The following EIF2D variants were observed in gnomAD, a reference collection of about 807,000 sequenced individuals.
The protein encoded by EIF2D is hepatocellular carcinoma-associated antigen 56.
EIF2D carries 56 observed loss-of-function variants against 77.4 expected under a neutral mutation model. The observed-to-expected ratio is 0.72, with a 90% CI of 0.58 to 0.90. EIF2D has a LOEUF of 0.90. EIF2D is among the 40% of genes least tolerant of loss of function. The probability of loss-of-function intolerance (pLI) is 0.00; values close to 1 mark genes in which losing one functional copy is unlikely to be tolerated. For synonymous variants in EIF2D, 230 were observed against 271.0 expected (o/e 0.85, Z 1.49); for missense variants, 574 against 706.5 (o/e 0.81, Z 2.13).
At chr1:206,587,008 T>C, downstream of EIF2D, 5 of 1,612,696 alleles carry the variant, frequency 3.1e-6, no homozygotes, top group Non-Finnish European at 4.2e-6. Context: ...TCCTGGTGCA[T>C]TCAGATTTAT....
chr1:206,600,428 G>T, intron 7 of EIF2D, 120 bp from the exon 8 acceptor site: 1 of 843,336 alleles, frequency 1.2e-6, no homozygotes, highest in Non-Finnish European at 1.9e-6. Context: ...AGAGGCCACT[G>T]TGCCAGAACT....
Position 206,593,604 on chromosome 1 carries a change from A to G in EIF2D, c.1684+15T>C. On this transcript the variant is annotated intron_variant, in intron 14 of 14. Coordinates refer to ENST00000271764, the MANE Select transcript of EIF2D (RefSeq NM_006893.3). ...AGCTAGACCAATGCCTCCACTCTTC[A>G]GAGGGGATGCTCACCAAGCAATAGC... 1 of 1,597,352 alleles carries G rather than the reference A, an allele frequency of 6.3e-7. No individual in the cohort carries two copies. Among genetic ancestry groups the G allele is most frequent in the Non-Finnish European group, 8.6e-7 (1 of 1,168,438 alleles).
chr1:206,579,256 T>G lies in EIF2D; in HGVS notation c.*254+1436A>C, dbSNP rs191837580. On this transcript the variant is annotated intron_variant and NMD_transcript_variant, in intron 4 of 5. Coordinates refer to the EIF2D transcript ENST00000472709. This position sits in a 1 kb window ranked among gnomAD's most constrained non-coding sequence, Gnocchi z 4.2. ...CGGAATAGATGAATTCCATGCCAGA[T>G]GCACTGAGATGTGTGAGCCCCCAGG... Among the ~76,000 whole-genome samples the G allele has an allele frequency of 6.6e-6, 1 of 152,240 alleles. No individual in the cohort carries two copies. Among genetic ancestry groups the G allele is most frequent in the Admixed American group, 6.5e-5 (1 of 15,284 alleles).
rs782188111 is a variant in EIF2D at position 206,609,360 on chromosome 1, A to G, written c.331+16T>C. On this transcript the variant is annotated intron_variant, in intron 3 of 14. Coordinates refer to ENST00000271764, the MANE Select transcript of EIF2D (RefSeq NM_006893.3). ...AGGTTTCAGCCAATAGCCAGAATAT[A>G]GGAGAATCCTCTTACCTGCTCCCCC... The G allele has an allele frequency of 6.2e-7, 1 of 1,611,664 alleles. No individual in the cohort carries two copies. Among genetic ancestry groups the G allele is most frequent in the South Asian group, 1.1e-5 (1 of 90,926 alleles).
chr1:206,610,015 A>G (rs959312452), intron 2 of EIF2D, among the ~76,000 whole-genome samples: 5 of 152,162 alleles, frequency 3.3e-5, no homozygotes, highest in Non-Finnish European at 5.9e-5. Flanking sequence ...CAGCTATGGA[A>G]AAGAGAAAAG....
At chr1:206,611,013 G>A (rs1670456026) in intron 2 of EIF2D, 171 bp downstream of exon 2, 8 of 587,330 alleles carry the variant, frequency 1.4e-5, no homozygotes, top group Admixed American at 9.7e-5. Flanking sequence ...TTGCATCCTA[G>A]AATTGAAAGA....
At chr1:206,596,086 T>C (rs1215346582) in intron 12 of EIF2D, among the ~76,000 whole-genome samples, 2 of 152,212 alleles carry the variant, frequency 1.3e-5, no homozygotes, top group African/African-American at 4.8e-5. Flanking sequence ...GATTCAAAGA[T>C]GGGAACATCA....
intron 14 of EIF2D, among the ~76,000 whole-genome samples, 153 bp downstream of exon 14, chr1:206,593,466 G>GGGGA (rs1288386244): frequency 5.6e-4 from 56 of 100,764 alleles, no homozygotes; most frequent in African/African-American, 2.8e-3. Context: ...AAAACTAAAT[G>GGGGA]GAGAGAGAGA....
Position 206,599,940 on chromosome 1 carries a change from T to A in EIF2D, c.949-104A>T. The A allele has an allele frequency of 9.0e-7, 1 of 1,106,858 alleles. No homozygotes were observed. Among genetic ancestry groups the A allele is most frequent in the African/African-American group, 1.5e-5 (1 of 64,978 alleles). 68.6% of individuals were successfully genotyped at this position (1,106,858 alleles called of 1,614,324 possible). ...GCTAGGCAGGGACTGTGCAGGGATA[T>A]GAGACAGCCCCTGCCTTCATCAACC... On this transcript the variant is annotated intron_variant, in intron 8 of 14. Transcript: ENST00000271764. This position sits in a 1 kb window ranked among gnomAD's most constrained non-coding sequence, Gnocchi z 4.1.
chr1:206,594,694 CT>C lies in EIF2D; in HGVS notation c.1510-902del, dbSNP rs1310991814. 3 of 152,314 alleles carry C rather than the reference CT, an allele frequency of 2.0e-5. No homozygotes were observed. The East Asian group carries it at 5.8e-4, about 29-fold the overall frequency. 9.4% of individuals were successfully genotyped at this position (152,314 alleles called of 1,614,324 possible). A position where few individuals can be genotyped will look rare whatever the true frequency, so the allele number is the denominator to read the frequency against. ...CATGAACCCCCAACTACATCCTCCC[CT>C]GACAAGTGCTCACCTAATTTTTGCT... is the stretch of plus-strand genomic sequence containing the variant. On this transcript the variant is annotated intron_variant, in intron 13 of 14. Coordinates refer to ENST00000271764, the MANE Select transcript of EIF2D (RefSeq NM_006893.3).
In EIF2D at chr1:206,611,166, T is replaced by A. The variant is rs1670475658; in HGVS notation, c.247+18A>T. The A allele has an allele frequency of 1.9e-6, 3 of 1,599,462 alleles. No homozygotes were observed. The highest frequency in any genetic ancestry group is 2.6e-6 in the Non-Finnish European group (3 of 1,169,930). Reference sequence around the variant, plus strand: ...GAACTACCTAATGGTAATGGCCATCTTCGTCCTGTTGTCATACCTGTTGGA... The same window carrying A: ...GAACTACCTAATGGTAATGGCCATCATCGTCCTGTTGTCATACCTGTTGGA... On this transcript the variant is annotated intron_variant, in intron 2 of 14. Transcript: ENST00000271764.
intron 2 of EIF2D, chr1:206,583,377 C>G (rs1668971587): frequency 1.2e-6 from 2 of 1,604,124 alleles, no homozygotes; most frequent in Non-Finnish European, 1.7e-6. Context: ...GGGCATGAAA[C>G]TGGTAAGCGC....
chr1:206,604,164 G>A (rs975930926), intron 5 of EIF2D, among the ~76,000 whole-genome samples: 8 of 152,096 alleles, frequency 5.3e-5, no homozygotes, highest in East Asian at 3.9e-4. Context: ...TAAGTCCGGC[G>A]GGGAGCGGTG....
At chr1:206,593,506 A>AGTGTGTGCGTGCGTGTGTGT (rs1286437460) in intron 14 of EIF2D, 113 bp downstream of exon 14, 4 of 442,734 alleles carry the variant, frequency 9.0e-6, no homozygotes, top group Non-Finnish European at 1.4e-5. Context: ...AGAGAGAGAG[A>AGTGTGTGCGTGCGTGTGTGT]GAGTGTGTGT....
Position 206,599,547 on chromosome 1 carries a change from TCCC to T in EIF2D, c.1115_1117del (p.Arg372_Glu373delinsLys). 6.2e-7 allele frequency: 1 copy of T among 1,611,434 alleles called. No individual in the cohort carries two copies. Among genetic ancestry groups the T allele is most frequent in the Non-Finnish European group, 8.5e-7 (1 of 1,178,668 alleles). On this transcript the variant is annotated inframe_deletion, in exon 10 of 15. Coordinates refer to ENST00000271764, the MANE Select transcript of EIF2D (RefSeq NM_006893.3). This position sits in a 1 kb window ranked among gnomAD's most constrained non-coding sequence, Gnocchi z 4.1. ...TATATCTGGAGGGTGATAGGGCTGTTCCCTGCTACCCTCCTGGATAGTCTGGGA... is the reference window on the plus strand; with the variant it reads ...TATATCTGGAGGGTGATAGGGCTGTTTGCTACCCTCCTGGATAGTCTGGGA...
chr1:206,610,114 T>G (rs10494877), intron 2 of EIF2D, among the ~76,000 whole-genome samples: 8,651 of 152,222 alleles, frequency 0.057, 820 homozygotes, highest in African/African-American at 0.2. Flanking sequence ...AGACCTATGG[T>G]TAAAGTACAC....
intron 2 of EIF2D, chr1:206,583,730 C>T (rs1553406879): frequency 3.7e-6 from 1 of 271,164 alleles, no homozygotes; most frequent in African/African-American, 2.2e-5. Context: ...TAGTTGCTCC[C>T]CTTCCTACCC....
intron 4 of EIF2D, among the ~76,000 whole-genome samples, chr1:206,607,637 A>G (rs1360364667): frequency 6.6e-6 from 1 of 151,852 alleles, no homozygotes; most frequent in Non-Finnish European, 1.5e-5. Flanking sequence ...TAATTAAAAG[A>G]TGAGGATAAT....
rs370898662 is a variant in EIF2D, at chr1:206,584,695, G to A, written c.139-3533C>T. The A allele has an allele frequency of 1.9e-6, 3 of 1,614,140 alleles. No individual in the cohort carries two copies. ...ACAAGGACGGACAAGGTAGGAGAAA[G>A]AGTGAACCCAACCAGACCGTTCCCT... On this transcript the variant is annotated intron_variant and NMD_transcript_variant, in intron 2 of 5. Transcript: ENST00000472709. This position sits in a 1 kb window ranked among gnomAD's most constrained non-coding sequence, Gnocchi z 4.9.
Sources: allele counts gnomAD v4.1 joint callset (sites outside exome capture counted in the v4.1 genomes callset), GRCh38; gene constraint gnomAD v4.1.1; non-coding constraint Gnocchi (gnomAD v3.1); transcripts MANE v1.5; gene names NCBI Gene and HGNC (gene_info 2026-07-23, HGNC 2026-07-21).